The following VKORC1L1 variants were observed in gnomAD, a reference collection of about 807,000 sequenced individuals.
VKORC1L1 encodes vitamin K epoxide reductase complex subunit 1-like protein 1.
In VKORC1L1, 2 loss-of-function variants were observed where a neutral mutation model predicts 18.9. That is an observed-to-expected ratio of 0.11 (90% CI 0.04 to 0.33). VKORC1L1 has a LOEUF of 0.33. Among genes scored for constraint, VKORC1L1 ranks in the 10% least tolerant of loss-of-function variants. VKORC1L1 has a pLI of 1.00. For synonymous variants in VKORC1L1, 96 were observed against 100.0 expected (o/e 0.96, Z 0.24); for missense variants, 123 against 224.1 (o/e 0.55, Z 2.88).
intron 1 of VKORC1L1, among the ~76,000 whole-genome samples, chr7:65,891,868 G>A (rs1348059631): frequency 1.3e-5 from 2 of 152,090 alleles, no homozygotes; most frequent in Admixed American, 6.6e-5. Flanking sequence ...GTTAACTGTA[G>A]TTGCCCTATT....
intron 1 of VKORC1L1, among the ~76,000 whole-genome samples, chr7:65,910,757 A>T (rs1288906214): frequency 1.3e-5 from 2 of 152,008 alleles, no homozygotes; most frequent in African/African-American, 4.8e-5. Context: ...GTGCAGATTT[A>T]CCCTTTCATG....
chr7:65,868,943 C>T (rs555879184), upstream of VKORC1L1, among the ~76,000 whole-genome samples: 406 of 152,166 alleles, frequency 2.7e-3, 2 homozygotes, highest in African/African-American at 9.3e-3. Context: ...ATATTTGCCC[C>T]TGGTCCAGTT....
At chr7:65,904,923 T>G (rs1789379529) in intron 1 of VKORC1L1, among the ~76,000 whole-genome samples, 1 of 152,170 alleles carries the variant, frequency 6.6e-6, no homozygotes, top group South Asian at 2.1e-4. Flanking sequence ...CATTTCTTCC[T>G]GTGTATGTAT....
At chr7:65,925,408 C>CA (rs1789745971) in intron 1 of VKORC1L1, among the ~76,000 whole-genome samples, 2 of 152,204 alleles carry the variant, frequency 1.3e-5, no homozygotes, top group South Asian at 4.1e-4. Context: ...TCACTCTTTC[C>CA]AGTTCTGACC....
intron 1 of VKORC1L1, among the ~76,000 whole-genome samples, chr7:65,895,506 TATATATATATACAC>T (rs1247438770): frequency 2.1e-5 from 2 of 94,326 alleles, no homozygotes; most frequent in African/African-American, 8.1e-5. Context: ...TATATATATA[TATATATATATACAC>T]ACACACACAC....
At chr7:65,889,223 G>A (rs1439291297) in intron 1 of VKORC1L1, among the ~76,000 whole-genome samples, 1 of 151,966 alleles carries the variant, frequency 6.6e-6, no homozygotes, top group African/African-American at 2.4e-5. Context: ...CTCACTCATG[G>A]GTGAATCCAA....
intron 1 of VKORC1L1, among the ~76,000 whole-genome samples, chr7:65,915,093 C>CTTTTTTTTT: frequency 8.1e-6 from 1 of 123,572 alleles, no homozygotes; most frequent in Non-Finnish European, 1.7e-5. Context: ...TTTTTTTTTT[C>CTTTTTTTTT]TTTTTTTTTT....
chr7:65,912,028 G>A (rs979806986), intron 1 of VKORC1L1, among the ~76,000 whole-genome samples: 2 of 152,184 alleles, frequency 1.3e-5, no homozygotes, highest in Admixed American at 6.6e-5. Flanking sequence ...CAAGGTAAAA[G>A]GGGGAGGACT....
intron 1 of VKORC1L1, among the ~76,000 whole-genome samples, chr7:65,943,027 G>A (rs1210292083): frequency 6.6e-6 from 1 of 152,152 alleles, no homozygotes; most frequent in Admixed American, 6.5e-5. Context: ...ACAAATTATG[G>A]TATAATTGGG....
intron 1 of VKORC1L1, among the ~76,000 whole-genome samples, chr7:65,944,700 T>A (rs1307755889): frequency 1.3e-5 from 2 of 151,978 alleles, no homozygotes; most frequent in Non-Finnish European, 2.9e-5. Flanking sequence ...GTGGAATGCC[T>A]GAGCTCAGGA....
At chr7:65,906,665 C>T (rs1016991026) in intron 1 of VKORC1L1, among the ~76,000 whole-genome samples, 5 of 152,292 alleles carry the variant, frequency 3.3e-5, no homozygotes, top group African/African-American at 9.6e-5. Context: ...AGTTCCTCTT[C>T]TCTAGGAGTC....
intron 1 of VKORC1L1, among the ~76,000 whole-genome samples, chr7:65,927,242 G>A (rs916839767): frequency 9.2e-5 from 14 of 152,000 alleles, no homozygotes; most frequent in Admixed American, 3.9e-4. Flanking sequence ...AGCCAAGATC[G>A]TGCCACTGCA....
At chr7:65,881,737 C>A (rs1231738487) in intron 1 of VKORC1L1, among the ~76,000 whole-genome samples, 1 of 152,272 alleles carries the variant, frequency 6.6e-6, no homozygotes, top group East Asian at 1.9e-4. Context: ...TGGGACCTCC[C>A]TGTGTACTTT....
chr7:65,875,903 G>A (rs1788819572), intron 1 of VKORC1L1, among the ~76,000 whole-genome samples: 1 of 152,164 alleles, frequency 6.6e-6, no homozygotes, highest in African/African-American at 2.4e-5. Context: ...GAGTCAGCAC[G>A]TGGTTTTGGA....
intron 1 of VKORC1L1, among the ~76,000 whole-genome samples, chr7:65,912,375 T>C (rs1190651193): frequency 6.6e-6 from 1 of 152,236 alleles, no homozygotes; most frequent in African/African-American, 2.4e-5. Flanking sequence ...GTGCTGGAGC[T>C]TGTGGCTCTT....
intron 1 of VKORC1L1, among the ~76,000 whole-genome samples, chr7:65,873,833 G>C (rs927392198): frequency 1.3e-5 from 2 of 152,032 alleles, no homozygotes; most frequent in Non-Finnish European, 2.9e-5. Context: ...CCGGGAGGCC[G>C]GGGCGGACGC....
chr7:65,901,406 C>T (rs1468971307), intron 1 of VKORC1L1, among the ~76,000 whole-genome samples: 9 of 152,118 alleles, frequency 5.9e-5, no homozygotes, highest in Non-Finnish European at 1.2e-4. Flanking sequence ...ACTTGATTTG[C>T]GATATGTATT....
At chr7:65,924,714 A>T (rs935367359) in intron 1 of VKORC1L1, among the ~76,000 whole-genome samples, 1 of 152,200 alleles carries the variant, frequency 6.6e-6, no homozygotes, top group African/African-American at 2.4e-5. Flanking sequence ...TTTTTATGTG[A>T]CACGTGGTCT....
At chr7:65,934,252 T>G (rs1789904809) in intron 1 of VKORC1L1, among the ~76,000 whole-genome samples, 1 of 152,142 alleles carries the variant, frequency 6.6e-6, no homozygotes, top group Admixed American at 6.5e-5. Context: ...ATCATTTTAT[T>G]GTAAATTGAC....
Sources: gnomAD v4.1 joint callset for allele counts (sites outside exome capture counted in the v4.1 genomes callset) on GRCh38, gnomAD v4.1.1 for gene constraint, MANE v1.5 for transcripts, NCBI Gene and HGNC (gene_info 2026-07-23, HGNC 2026-07-21) for gene names.